The following NBPF19 variants were observed in gnomAD, a reference collection of about 807,000 sequenced individuals.
NBPF19 encodes NBPF family member NBPF19.
In NBPF19, 30 loss-of-function variants were observed where a neutral mutation model predicts 45.9. That is an observed-to-expected ratio of 0.65 (90% CI 0.49 to 0.89). NBPF19 has a LOEUF of 0.89. Ranked by LOEUF, NBPF19 falls within the 40% of genes least tolerant of loss-of-function variation. NBPF19 has a pLI of 0.00. For synonymous variants in NBPF19, 183 were observed against 181.2 expected, an observed-to-expected ratio of 1.01 and a Z score of -0.08; for missense variants, 495 against 471.8, an observed-to-expected ratio of 1.05 and a Z score of -0.46.
chr1:149,486,749 A>C (rs1253577146), intron 8 of NBPF19, among the ~76,000 whole-genome samples: 1 of 151,372 alleles, frequency 6.6e-6, no homozygotes, highest in African/African-American at 2.4e-5. Flanking sequence ...GATGTGACCC[A>C]GGTTTCACTG....
chr1:149,554,570 G>C lies in NBPF19; in HGVS notation c.11364G>C (p.Pro3788=). 6.2e-6 allele frequency: 10 copies of C among 1,608,170 alleles called. 1 individual carries two copies. The highest frequency in any genetic ancestry group is 8.5e-6 in the Non-Finnish European group (10 of 1,176,734). The change falls in exon 94 of 94, where the codon CCG becomes CCC. Residue 3788 remains proline, a synonymous_variant. Transcript: ENST00000651566. ...CACTGGATGGATGTTATTCGACTCC[G>C]TCAATGTACTTTGAACTACCTGACT... The part of the protein sequence containing the change: ...QDSLDGCYST[P]SMYFELPDSF...
rs2087201440 is a variant in NBPF19 at position 149,554,664 on chromosome 1, G to T, written c.11458G>T (p.Asp3820Tyr). 1.9e-6 allele frequency: 3 copies of T among 1,608,126 alleles called. No individual in the cohort carries two copies. Among genetic ancestry groups the T allele is most frequent in the African/African-American group, 1.3e-5 (1 of 74,638 alleles). The stretch of plus-strand genomic sequence containing the variant: ...GCATATCAGCTTCGCCCTTTACTTG[G>T]ACAATAGGTTTTTTACTTTGACGGT... ...EEHISFALYL[D>Y]NRFFTLTVTS... is the part of the protein sequence containing the mutation. Residue 3820 changes from aspartate to tyrosine, a missense_variant, in exon 94 of 94, where the codon GAC becomes TAC. By Grantham distance (160) the Asp-to-Tyr change is radical. Transcript: ENST00000651566.
Position 149,488,160 on chromosome 1 carries a change from T to C in NBPF19, c.1188T>C (p.Arg396=). The C allele has an allele frequency of 1.5e-6, 1 of 677,456 alleles. No homozygotes were observed. The highest frequency in any genetic ancestry group is 2.6e-6 in the Non-Finnish European group (1 of 378,212). 42.0% of individuals were successfully genotyped at this position (677,456 alleles called of 1,614,324 possible). ...CCTTTTACGTATTGGAGCAACAGCG[T>C]GTTGGCTTGGCTATTGACATGGATG... ...RSAFYVLEQQ[R]VGLAIDMDEI... The change falls in exon 10 of 94, where the codon CGT becomes CGC. Residue 396 remains arginine, a synonymous_variant. Coordinates refer to ENST00000651566, the MANE Select transcript of NBPF19 (RefSeq NM_001351365.2).
chr1:149,514,693 CTGTGTGTGTGTGTG>C (rs1224656992), intron 43 of NBPF19, among the ~76,000 whole-genome samples: 11 of 89,742 alleles, frequency 1.2e-4, no homozygotes, highest in East Asian at 3.7e-4. Context: ...CTCTCTCTCT[CTGTGTGTGTGTGTG>C]TGTGTGTGTG....
intron 9 of NBPF19, 34 bp from the exon 10 acceptor site, chr1:149,487,979 C>T (rs1466920842): frequency 1.7e-5 from 12 of 692,638 alleles, no homozygotes; most frequent in African/African-American, 1.7e-4. Flanking sequence ...CTGATTCCCC[C>T]TGGCTTATTC....
Position 149,487,194 on chromosome 1 carries a change from C to A in NBPF19, c.989-138C>A, listed in dbSNP as rs1478291779. 2.2e-4 allele frequency: 177 copies of A among 801,766 alleles called. 5 individuals carry two copies. In the Admixed American group the frequency reaches 2.4e-3, roughly 11 times the overall value. The allele number at this position is 801,766 out of a possible 1,614,324, so 49.7% of individuals were successfully genotyped here. ...GTTTTCTCAAGACTTGACCTCAGGC[C>A]TACTGCAATATTTCTCTCAAAGTCT... On this transcript the variant is annotated intron_variant, in intron 8 of 93. Coordinates refer to ENST00000651566, the MANE Select transcript of NBPF19 (RefSeq NM_001351365.2).
In NBPF19 at chr1:149,475,680, T is replaced by TA; in HGVS notation, c.-150dup. 1 of 619,212 alleles carries TA rather than the reference T, an allele frequency of 1.6e-6. No individual in the cohort carries two copies. The highest frequency in any genetic ancestry group is 2.8e-6 in the Non-Finnish European group (1 of 354,400). The allele number at this position is 619,212 out of a possible 1,614,324, so 38.4% of individuals were successfully genotyped here. ...CGCTGGCCACATTCTGCCTCACTCT[T>TA]ATCAGAGTCTGAGCTACTGGCAGTG... On this transcript the variant is annotated 5_prime_UTR_variant, in exon 1 of 94. The change creates a premature stop within an existing upstream ORF in the 5' untranslated region. Transcript: ENST00000651566.
rs1183904185 is a variant in NBPF19, at chr1:149,479,003, T to A, written c.402T>A (p.Asp134Glu). 8.2e-6 allele frequency: 13 copies of A among 1,584,914 alleles called. 1 individual carries two copies. In the African/African-American group the frequency reaches 1.5e-4, roughly 18 times the overall value. Reference protein sequence around the residue: ...NEHLQALLTPDEPDKSQGQDL... With the variant: ...NEHLQALLTPEEPDKSQGQDL... ...ATCTCCAGGCCCTCCTCACTCCGGATGAGCCGGACAAGTCCCAGGGGCAGG... is the reference window on the plus strand; with the variant it reads ...ATCTCCAGGCCCTCCTCACTCCGGAAGAGCCGGACAAGTCCCAGGGGCAGG... The change falls in exon 4 of 94, where the codon GAT becomes GAA. Residue 134 changes from aspartate (D) to glutamate (E), a missense_variant. Asp to Glu is a conservative substitution (Grantham distance 45). This residue lies in a region of NBPF19 where 69 missense variants were observed against 87.8 expected (regional missense o/e 0.79). Coordinates refer to ENST00000651566, the MANE Select transcript of NBPF19 (RefSeq NM_001351365.2).
intron 61 of NBPF19, among the ~76,000 whole-genome samples, chr1:149,528,967 G>C (rs1167898593): frequency 7.5e-6 from 1 of 133,060 alleles, no homozygotes; most frequent in Non-Finnish European, 1.6e-5. Flanking sequence ...GTGTGTGTGT[G>C]TGTGTGTGTC....
chr1:149,487,865 C>A (rs1469138205), intron 9 of NBPF19, 148 bp from the exon 10 acceptor site: 4 of 674,516 alleles, frequency 5.9e-6, no homozygotes, highest in African/African-American at 3.6e-5. Flanking sequence ...TAGTCTATCC[C>A]AACATAAAGG....
At position 149,484,462 on chromosome 1, in the gene NBPF19, G is replaced by A. The variant is rs1337168775; in HGVS notation, c.825-1668G>A. On this transcript the variant is annotated intron_variant, in intron 7 of 93. Transcript: ENST00000651566. ...GTATACATATGTAACTAACCTGCACGTTGTGCACATGTACCCTAAGACTTA... is the reference window on the plus strand; with the variant it reads ...GTATACATATGTAACTAACCTGCACATTGTGCACATGTACCCTAAGACTTA... Among the ~76,000 whole-genome samples, 46 of 144,174 alleles carry A rather than the reference G, an allele frequency of 3.2e-4. 2 individuals are homozygous for A. Among genetic ancestry groups the A allele is most frequent in the African/African-American group, 9.4e-4 (36 of 38,402 alleles). The allele number at this position is 144,174 out of a possible 152,430, so 94.6% of individuals were successfully genotyped here. A position where few individuals can be genotyped will look rare whatever the true frequency, so the allele number is the denominator to read the frequency against.
rs2085087174 is a variant in NBPF19, at chr1:149,480,131, TG to T, written c.494-10del. 1.3e-6 allele frequency: 1 copy of T among 773,192 alleles called. No individual in the cohort carries two copies. Among genetic ancestry groups the T allele is most frequent in the South Asian group, 1.4e-5 (1 of 70,944 alleles). The allele number at this position is 773,192 out of a possible 1,614,324, so 47.9% of individuals were successfully genotyped here. A position where few individuals can be genotyped will look rare whatever the true frequency, so the allele number is the denominator to read the frequency against. On this transcript the variant is annotated splice_polypyrimidine_tract_variant and intron_variant, in intron 4 of 93. Transcript: ENST00000651566. Reference sequence around the variant, plus strand: ...TGGGAAATATCTGAACGAACACTTCTGTATTTACAGAAAATGACAACGATGA... The same window carrying T: ...TGGGAAATATCTGAACGAACACTTCTTATTTACAGAAAATGACAACGATGA...
Position 149,554,679 on chromosome 1 carries a change from A to C in NBPF19, c.11473A>C (p.Thr3825Pro), listed in dbSNP as rs2087201964. The part of the protein sequence containing the change: ...FALYLDNRFF[T>P]LTVTSLHLVF... ...CCTTTACTTGGACAATAGGTTTTTTACTTTGACGGTGACAAGTCTCCATCT... is the reference window on the plus strand; with the variant it reads ...CCTTTACTTGGACAATAGGTTTTTTCCTTTGACGGTGACAAGTCTCCATCT... Residue 3825 changes from threonine (T) to proline (P), a missense_variant, in exon 94 of 94, where the codon ACT becomes CCT. Physicochemically the swap from Thr to Pro is conservative, Grantham distance 38. Coordinates refer to ENST00000651566, the MANE Select transcript of NBPF19 (RefSeq NM_001351365.2). 1 of 1,608,032 alleles carries C rather than the reference A, an allele frequency of 6.2e-7. No individual in the cohort carries two copies. Among genetic ancestry groups the C allele is most frequent in the East Asian group, 2.2e-5 (1 of 44,862 alleles).
rs1269810981 is a variant in NBPF19 at position 149,554,608 on chromosome 1, A to G, written c.11402A>G (p.Tyr3801Cys). 1.0e-4 allele frequency: 164 copies of G among 1,608,158 alleles called. 9 individuals are homozygous for G. The highest frequency in any genetic ancestry group is 1.3e-4 in the Non-Finnish European group (154 of 1,176,776). ...YFELPDSFQH[Y>C]RSVFYSFEEE... ...GAACTACCTGACTCATTCCAGCACT[A>G]CAGAAGTGTGTTTTACTCATTTGAG... is the stretch of plus-strand genomic sequence containing the variant. The change falls in exon 94 of 94, where the codon TAC becomes TGC. Residue 3801 changes from tyrosine to cysteine, a missense_variant. This residue lies in a region of NBPF19 where 248 missense variants were observed against 95.4 expected (regional missense o/e 2.60). Coordinates refer to ENST00000651566, the MANE Select transcript of NBPF19 (RefSeq NM_001351365.2).
intron 52 of NBPF19, 53 bp downstream of exon 52, chr1:149,521,544 G>T: frequency 1.2e-5 from 1 of 80,438 alleles, no homozygotes; most frequent in Non-Finnish European, 2.4e-5. Flanking sequence ...TCTGGTTAGG[G>T]TCATATTCCT....
chr1:149,554,755 C>T lies in NBPF19; in HGVS notation c.*17C>T, dbSNP rs1330417110. ...CCACAATAGGCAGCCCTTACTAAGCCGAGAGATGTCATTCCTGCAGGCAGG... is the reference window on the plus strand; with the variant it reads ...CCACAATAGGCAGCCCTTACTAAGCTGAGAGATGTCATTCCTGCAGGCAGG... On this transcript the variant is annotated 3_prime_UTR_variant, in exon 94 of 94. Transcript: ENST00000651566. The T allele has an allele frequency of 5.2e-5, 84 of 1,607,632 alleles. No individual in the cohort carries two copies. The East Asian group carries it at 9.8e-4, about 19-fold the overall frequency.
At chr1:149,535,148 A>T in intron 69 of NBPF19, among the ~76,000 whole-genome samples, 1 of 102,212 alleles carries the variant, frequency 9.8e-6, no homozygotes, top group Non-Finnish European at 2.3e-5. Context: ...CTGTACTCTC[A>T]TGGCCACTGC....
chr1:149,486,765 A>G (rs2085536887), intron 8 of NBPF19, among the ~76,000 whole-genome samples: 1 of 151,054 alleles, frequency 6.6e-6, no homozygotes, highest in Admixed American at 6.6e-5. Context: ...CACTGAGTTT[A>G]TTCCCATTTT....
chr1:149,487,564 C>G (rs1435473879), intron 9 of NBPF19, among the ~76,000 whole-genome samples, 181 bp downstream of exon 9: 9 of 150,622 alleles, frequency 6.0e-5, no homozygotes, highest in Non-Finnish European at 1.2e-4. Flanking sequence ...TTCTTCCTAC[C>G]CTTATCATTT....
Sources: allele counts gnomAD v4.1 joint callset (sites outside exome capture counted in the v4.1 genomes callset), GRCh38; gene constraint gnomAD v4.1.1; regional missense constraint gnomAD v4.1.1; transcripts MANE v1.5; gene names NCBI Gene and HGNC (gene_info 2026-07-23, HGNC 2026-07-21).